SLC25A53: variants seen among roughly 807,000 people sequenced by gnomAD.
SLC25A53 encodes solute carrier family 25 member 53.
A neutral mutation model predicts 15.0 loss-of-function variants in SLC25A53; 5 were observed. The observed-to-expected ratio is 0.33, with a 90% CI of 0.17 to 0.70. The LOEUF (loss-of-function observed/expected upper bound fraction) is 0.70. SLC25A53 is among the 30% of genes least tolerant of loss of function. SLC25A53 has a pLI of 0.67. For synonymous variants in SLC25A53, 95 were observed against 100.0 expected (o/e 0.95, Z 0.30); for missense variants, 216 against 241.6 (o/e 0.89, Z 0.70).
intron 1 of SLC25A53, chrX:104,113,649 TTTC>T (rs1357478741): frequency 8.4e-6 from 1 of 119,388 alleles, no homozygotes; most frequent in Non-Finnish European, 1.7e-5. Flanking sequence ...AGGTTAATGG[TTTC>T]TTATTATCAT....
intron 1 of SLC25A53, among the ~76,000 whole-genome samples, chrX:104,152,652 G>T (rs1232203142): frequency 1.8e-5 from 2 of 111,154 alleles, no homozygotes; most frequent in African/African-American, 3.3e-5. Context: ...TGACCAGGCT[G>T]GTCTTGAACT....
At chrX:104,115,368 C>G in intron 1 of SLC25A53, 5 of 1,068,308 alleles carry the variant, frequency 4.7e-6, no homozygotes, top group Non-Finnish European at 6.2e-6. Flanking sequence ...TATTCAGAGT[C>G]TGGTAATGGG....
chrX:104,111,162 T>C (rs1556358369), intron 1 of SLC25A53, among the ~76,000 whole-genome samples: 4 of 112,481 alleles, frequency 3.6e-5, no homozygotes, highest in Non-Finnish European at 1.9e-5. Flanking sequence ...TGAATCTCTC[T>C]ACACCTCAGA....
intron 1 of SLC25A53, among the ~76,000 whole-genome samples, chrX:104,155,872 CG>C (rs2075499079): frequency 9.1e-6 from 1 of 109,645 alleles, no homozygotes; most frequent in African/African-American, 3.3e-5. Flanking sequence ...GGTAAAACCC[CG>C]TCTCTACTAA....
rs1311217844 is a variant in SLC25A53, at chrX:104,103,573, CG to C, written c.*760del. 2.7e-5 allele frequency: 3 copies of C among 112,068 alleles called. No individual in the cohort carries two copies. Among genetic ancestry groups the C allele is most frequent in the African/African-American group, 9.7e-5 (3 of 30,839 alleles). The allele number at this position is 112,068 out of a possible 1,213,427, so 9.2% of individuals were successfully genotyped here. A position where few individuals can be genotyped will look rare whatever the true frequency, so the allele number is the denominator to read the frequency against. On this transcript the variant is annotated 3_prime_UTR_variant, in exon 2 of 2. Transcript: ENST00000594199. ...TCCAGGTTTCTTAGGGAAACTCAAA[CG>C]GTTTCTAGGCAATGTTATCACCTTG...
intron 1 of SLC25A53, among the ~76,000 whole-genome samples, chrX:104,138,252 A>C (rs1181051176): frequency 3.6e-5 from 4 of 111,598 alleles, no homozygotes; most frequent in African/African-American, 6.5e-5. Context: ...ACAAAAAAAA[A>C]ACAAAATTTA....
At chrX:104,144,463 A>C (rs1189335461) in intron 1 of SLC25A53, among the ~76,000 whole-genome samples, 1 of 111,277 alleles carries the variant, frequency 9.0e-6, no homozygotes, top group Non-Finnish European at 1.9e-5. Flanking sequence ...TCTCTGATAA[A>C]ACAGATCTTA....
chrX:104,122,508 T>C (rs2075398341), intron 1 of SLC25A53, among the ~76,000 whole-genome samples: 1 of 109,934 alleles, frequency 9.1e-6, no homozygotes, highest in Non-Finnish European at 1.9e-5. Context: ...GAATACCACA[T>C]CTTGAGGCAA....
At chrX:104,136,887 CAAT>C (rs782293615) in intron 1 of SLC25A53, among the ~76,000 whole-genome samples, 1 of 111,722 alleles carries the variant, frequency 9.0e-6, no homozygotes, top group Non-Finnish European at 1.9e-5. Context: ...AGAGGAGAAA[CAAT>C]GATGAACAAA....
chrX:104,125,090 C>A (rs1319692878), intron 1 of SLC25A53, among the ~76,000 whole-genome samples: 1 of 109,514 alleles, frequency 9.1e-6, no homozygotes, highest in Admixed American at 9.7e-5. Context: ...AGTGATCTGC[C>A]CGCCTCAGCC....
At chrX:104,115,364 G>C (rs1556361088) in intron 1 of SLC25A53, 2 of 1,081,784 alleles carry the variant, frequency 1.8e-6, no homozygotes, top group South Asian at 4.6e-5. Context: ...ACTGTATTCA[G>C]AGTCTGGTAA....
Position 104,104,896 on chromosome X carries a change from C to T in SLC25A53, c.362G>A (p.Gly121Glu). The T allele has an allele frequency of 8.3e-7, 1 of 1,211,816 alleles. No homozygotes were observed. The highest frequency in any genetic ancestry group is 1.1e-6 in the Non-Finnish European group (1 of 895,582). The change falls in exon 2 of 2, where the codon GGG becomes GAG. Residue 121 changes from glycine to glutamate, a missense_variant. Gly to Glu is a moderately conservative substitution (Grantham distance 98). Transcript: ENST00000594199. Reference sequence around the variant, plus strand: ...GGCCTCCACCACGCCAGACATGAGCCCGGCAGCCCAGCGGTGTCCCAGGGT... The same window carrying T: ...GGCCTCCACCACGCCAGACATGAGCTCGGCAGCCCAGCGGTGTCCCAGGGT... ...PHTLGHRWAA[G>E]LMSGVVEAVA...
At chrX:104,150,179 G>A (rs2075480672) in intron 1 of SLC25A53, among the ~76,000 whole-genome samples, 1 of 106,949 alleles carries the variant, frequency 9.4e-6, no homozygotes, top group Non-Finnish European at 1.9e-5. Context: ...GCTGCAGTGA[G>A]CTGAGATCGC....
At chrX:104,134,247 T>C (rs1291594814) in intron 1 of SLC25A53, among the ~76,000 whole-genome samples, 1 of 112,290 alleles carries the variant, frequency 8.9e-6, no homozygotes, top group African/African-American at 3.2e-5. Flanking sequence ...GGATTTCTCT[T>C]ACAGCAGAGA....
Position 104,099,784 on chromosome X carries a change from G to A in SLC25A53, c.*4550C>T, listed in dbSNP as rs2075273235. ...GGGGGAGAAGAGTAGGTTATTAAAG[G>A]GCTCTATTTCTTGCTCTGGCTGGTT... On this transcript the variant is annotated 3_prime_UTR_variant, in exon 2 of 2. Coordinates refer to ENST00000594199, the MANE Select transcript of SLC25A53 (RefSeq NM_001012755.5). 9.0e-6 allele frequency: 1 copy of A among 111,703 alleles called. No homozygotes were observed. Among genetic ancestry groups the A allele is most frequent in the Non-Finnish European group, 1.9e-5 (1 of 53,107 alleles). The allele number at this position is 111,703 out of a possible 1,213,427, so 9.2% of individuals were successfully genotyped here.
chrX:104,133,863 G>A (rs1220885213), intron 1 of SLC25A53, among the ~76,000 whole-genome samples: 7 of 111,690 alleles, frequency 6.3e-5, no homozygotes, highest in African/African-American at 2.3e-4. Context: ...GCTGTAAAAA[G>A]GGCCACCAGC....
At chrX:104,109,538 A>G (rs1461689305) in intron 1 of SLC25A53, among the ~76,000 whole-genome samples, 2 of 112,521 alleles carry the variant, frequency 1.8e-5, no homozygotes, top group Non-Finnish European at 3.8e-5. Context: ...TAAAGGCAAG[A>G]TAACAATTAA....
At chrX:104,136,672 T>C (rs1204147816) in intron 1 of SLC25A53, among the ~76,000 whole-genome samples, 1 of 112,315 alleles carries the variant, frequency 8.9e-6, no homozygotes, top group East Asian at 2.8e-4. Flanking sequence ...CCCACTGCAC[T>C]GTGAAAATTC....
intron 1 of SLC25A53, among the ~76,000 whole-genome samples, chrX:104,142,311 CTG>C (rs1279451411): frequency 8.0e-5 from 9 of 112,142 alleles, no homozygotes; most frequent in African/African-American, 2.9e-4. Flanking sequence ...GGAAATAACA[CTG>C]TGTTTTCCTC....
Sources: gnomAD v4.1 joint callset for allele counts (sites outside exome capture counted in the v4.1 genomes callset) on GRCh38, gnomAD v4.1.1 for gene constraint, MANE v1.5 for transcripts, NCBI Gene and HGNC (gene_info 2026-07-23, HGNC 2026-07-21) for gene names.